INPP4A: variants seen among roughly 807,000 people sequenced by gnomAD.
The protein encoded by INPP4A is inositol polyphosphate-4-phosphatase type I A.
A neutral mutation model predicts 119.8 loss-of-function variants in INPP4A; 33 were observed. That is an observed-to-expected ratio of 0.28 (90% CI 0.21 to 0.37). The LOEUF (loss-of-function observed/expected upper bound fraction) is 0.37. Among genes scored for constraint, INPP4A ranks in the 10% least tolerant of loss-of-function variants. The probability of loss-of-function intolerance (pLI) is 1.00; values close to 1 mark genes in which losing one functional copy is unlikely to be tolerated. For synonymous variants in INPP4A, 496 were observed against 500.7 expected, an observed-to-expected ratio of 0.99 and a Z score of 0.12; for missense variants, 956 against 1,289.9, an observed-to-expected ratio of 0.74 and a Z score of 3.97.
At position 98,590,760 on chromosome 2, in the gene INPP4A, C is replaced by T. The variant is rs1700346109; in HGVS notation, c.*3152C>T. ...AAAAATTCCTCTCACTGGAAATGTA[C>T]AATTAAAGGATGATTGAAATGTTTA... On this transcript the variant is annotated 3_prime_UTR_variant, in exon 25 of 25. Transcript: ENST00000409851. The T allele has an allele frequency of 1.3e-5, 3 of 224,546 alleles. No individual in the cohort carries two copies. The highest frequency in any genetic ancestry group is 5.7e-5 in the Admixed American group (1 of 17,448). 13.9% of individuals were successfully genotyped at this position (224,546 alleles called of 1,614,324 possible). A position where few individuals can be genotyped will look rare whatever the true frequency, so the allele number is the denominator to read the frequency against.
At chr2:98,475,694 G>A (rs1009788357) in intron 1 of INPP4A, among the ~76,000 whole-genome samples, 1 of 152,172 alleles carries the variant, frequency 6.6e-6, no homozygotes, top group African/African-American at 2.4e-5. Context: ...GGCATGCTGG[G>A]CTGTGTGGGC....
intron 1 of INPP4A, among the ~76,000 whole-genome samples, chr2:98,505,673 A>G (rs969123664): frequency 6.6e-6 from 1 of 152,252 alleles, no homozygotes; most frequent in South Asian, 2.1e-4. Flanking sequence ...AAAGCAGAGC[A>G]GAGGAGCCCT....
At chr2:98,561,633 A>T (rs1472689986) in intron 17 of INPP4A, among the ~76,000 whole-genome samples, 1 of 152,182 alleles carries the variant, frequency 6.6e-6, no homozygotes, top group Non-Finnish European at 1.5e-5. Flanking sequence ...TAGTTTAAAG[A>T]GATATAGGCA....
intron 1 of INPP4A, among the ~76,000 whole-genome samples, chr2:98,473,406 G>A (rs2104887887): frequency 1.3e-5 from 2 of 151,618 alleles, no homozygotes; most frequent in South Asian, 4.2e-4. Context: ...TGTGAGGACA[G>A]TGGAGAGTGT....
chr2:98,542,232 G>A (rs1030193737), intron 10 of INPP4A, among the ~76,000 whole-genome samples: 2 of 152,272 alleles, frequency 1.3e-5, no homozygotes, highest in East Asian at 1.9e-4. Context: ...TGCTCAGAGC[G>A]GCCTGAGGCC....
In INPP4A at chr2:98,593,927, AC is replaced by A. The variant is rs1700503850; in HGVS notation, c.*6320del. The A allele has an allele frequency of 6.6e-6, 1 of 150,798 alleles. No homozygotes were observed. 9.3% of individuals were successfully genotyped at this position (150,798 alleles called of 1,614,324 possible). A position where few individuals can be genotyped will look rare whatever the true frequency, so the allele number is the denominator to read the frequency against. On this transcript the variant is annotated 3_prime_UTR_variant, in exon 25 of 25. Transcript: ENST00000409851. ...AAATGAAGTTGGCCCTTTCAAAAAA[AC>A]TTCCTCTCCTTCATTGTTGACTATG... is the stretch of plus-strand genomic sequence containing the variant.
intron 17 of INPP4A, among the ~76,000 whole-genome samples, chr2:98,560,116 C>T (rs745807307): frequency 6.6e-6 from 1 of 152,204 alleles, no homozygotes; most frequent in African/African-American, 2.4e-5. Flanking sequence ...TACTGTCTAG[C>T]TCTTTACAGA....
chr2:98,487,303 TCC>T (rs1679758400), intron 1 of INPP4A, among the ~76,000 whole-genome samples: 1 of 152,270 alleles, frequency 6.6e-6, no homozygotes, highest in Admixed American at 6.5e-5. Context: ...TTGTCATATC[TCC>T]CTAGGCTCCT....
chr2:98,474,269 C>T (rs1003257895), intron 1 of INPP4A, among the ~76,000 whole-genome samples: 2 of 152,152 alleles, frequency 1.3e-5, no homozygotes, highest in Admixed American at 6.5e-5. Flanking sequence ...GTGCAGTGGG[C>T]GAGGGCCACC....
intron 4 of INPP4A, among the ~76,000 whole-genome samples, chr2:98,527,414 G>T (rs932370060): frequency 6.6e-5 from 10 of 152,300 alleles, no homozygotes; most frequent in Admixed American, 2.6e-4. Flanking sequence ...GCTGCCAGAG[G>T]TAGTAGTAAC....
chr2:98,547,868 G>A (rs1354024120), intron 13 of INPP4A, among the ~76,000 whole-genome samples: 3 of 151,988 alleles, frequency 2.0e-5, no homozygotes, highest in Non-Finnish European at 2.9e-5. Context: ...GGCTGGGGAG[G>A]GTCAGACTCA....
chr2:98,523,255 C>T (rs1312383481), intron 4 of INPP4A, among the ~76,000 whole-genome samples: 1 of 152,200 alleles, frequency 6.6e-6, no homozygotes, highest in Non-Finnish European at 1.5e-5. Flanking sequence ...CAGGACATTT[C>T]TGAATCTGGT....
rs1356876486 is a variant in INPP4A, at chr2:98,591,881, A to T, written c.*4273A>T. 1.3e-5 allele frequency: 2 copies of T among 152,228 alleles called. No homozygotes were observed. Among genetic ancestry groups the T allele is most frequent in the African/African-American group, 4.8e-5 (2 of 41,454 alleles). The allele number at this position is 152,228 out of a possible 1,614,324, so 9.4% of individuals were successfully genotyped here. A position where few individuals can be genotyped will look rare whatever the true frequency, so the allele number is the denominator to read the frequency against. On this transcript the variant is annotated 3_prime_UTR_variant, in exon 25 of 25. Transcript: ENST00000409851. ...CACCATTTTTGAATAGAGGTTTCTCACAGTATCCTCAGCAGCATTGAGTGT... is the reference window on the plus strand; with the variant it reads ...CACCATTTTTGAATAGAGGTTTCTCTCAGTATCCTCAGCAGCATTGAGTGT...
intron 1 of INPP4A, among the ~76,000 whole-genome samples, chr2:98,502,390 T>C (rs965937846): frequency 1.3e-5 from 2 of 152,188 alleles, no homozygotes. Flanking sequence ...AAAAATGAAT[T>C]CCAAAGTCAC....
chr2:98,499,872 A>G (rs1682770601), intron 1 of INPP4A, among the ~76,000 whole-genome samples: 1 of 152,190 alleles, frequency 6.6e-6, no homozygotes. Context: ...CAGTGATGGT[A>G]GGGGAGGGTG....
intron 1 of INPP4A, among the ~76,000 whole-genome samples, chr2:98,465,111 T>C (rs1424172819): frequency 1.3e-5 from 2 of 152,248 alleles, no homozygotes; most frequent in Non-Finnish European, 2.9e-5. Context: ...CTTCCTGTGG[T>C]TGCTGTAACA....
chr2:98,510,931 A>G lies in INPP4A; in HGVS notation c.-165-8033A>G, dbSNP rs1415202854. ...ACTGGCAGACAGTAGGGCTTGGGAA[A>G]TGGAAAGCCAGAGATAAATGAACAT... is the stretch of plus-strand genomic sequence containing the variant. On this transcript the variant is annotated intron_variant, in intron 1 of 24. Coordinates refer to ENST00000409851, the MANE Select transcript of INPP4A (RefSeq NM_001134225.2). Among the ~76,000 whole-genome samples, 32 of 152,250 alleles carry G rather than the reference A, an allele frequency of 2.1e-4. 1 individual carries two copies. The highest frequency in any genetic ancestry group is 2.1e-3 in the Admixed American group (32 of 15,292).
chr2:98,566,698 C>T lies in INPP4A; in HGVS notation c.2420+529C>T, dbSNP rs1366130471. Among the ~76,000 whole-genome samples, 1 of 152,150 alleles carries T rather than the reference C, an allele frequency of 6.6e-6. No homozygotes were observed. Among genetic ancestry groups the T allele is most frequent in the Non-Finnish European group, 1.5e-5 (1 of 68,022 alleles). On this transcript the variant is annotated intron_variant, in intron 21 of 24. Transcript: ENST00000409851. The surrounding 1 kb of genome is among the most constrained non-coding windows in gnomAD (Gnocchi z 4.2). Reference sequence around the variant, plus strand: ...TGAGACTCATGCCTGAACCTAAAGGCAACTGCCCTCCAGGGTCACTTGCCA... The same window carrying T: ...TGAGACTCATGCCTGAACCTAAAGGTAACTGCCCTCCAGGGTCACTTGCCA...
In INPP4A at chr2:98,589,751, GCT is replaced by G; in HGVS notation, c.*2144_*2145del. On this transcript the variant is annotated 3_prime_UTR_variant, in exon 25 of 25. Coordinates refer to ENST00000409851, the MANE Select transcript of INPP4A (RefSeq NM_001134225.2). ...CAAGCAGCTCCTCTCTTCTGTAGGA[GCT>G]TTGGGTTTTCAGAGGTGCAGGGAAG... 1 of 182,700 alleles carries G rather than the reference GCT, an allele frequency of 5.5e-6. No individual in the cohort carries two copies. The allele number at this position is 182,700 out of a possible 1,614,324, so 11.3% of individuals were successfully genotyped here. A position where few individuals can be genotyped will look rare whatever the true frequency, so the allele number is the denominator to read the frequency against.
Sources: gnomAD v4.1 joint callset for allele counts (sites outside exome capture counted in the v4.1 genomes callset) on GRCh38, gnomAD v4.1.1 for gene constraint, Gnocchi (gnomAD v3.1) non-coding constraint, MANE v1.5 for transcripts, NCBI Gene and HGNC (gene_info 2026-07-23, HGNC 2026-07-21) for gene names.